DMRT1: variants seen among roughly 807,000 people sequenced by gnomAD.
The protein encoded by DMRT1 is doublesex- and mab-3-related transcription factor 1.
DMRT1 carries 7 observed loss-of-function variants against 32.3 expected under a neutral mutation model. The ratio of observed to expected loss-of-function variants is 0.22; its 90% CI spans 0.12 to 0.41. The LOEUF (loss-of-function observed/expected upper bound fraction) is 0.41. DMRT1 is among the 10% of genes least tolerant of loss of function. The pLI is 1.00. For synonymous variants in DMRT1, 278 were observed against 206.1 expected (o/e 1.35, Z -2.99); for missense variants, 625 against 500.5 (o/e 1.25, Z -2.37).
At chr9:866,163 CAAAAAAAAAA>C (rs71327351) in intron 2 of DMRT1, among the ~76,000 whole-genome samples, 92 of 52,684 alleles carry the variant, frequency 1.7e-3, no homozygotes, top group Non-Finnish European at 2.3e-3. Context: ...GAGTCCATCT[CAAAAAAAAAA>C]AAAAAAAAAA....
intron 2 of DMRT1, among the ~76,000 whole-genome samples, chr9:882,063 T>C (rs1279773048): frequency 1.3e-5 from 2 of 152,196 alleles, no homozygotes; most frequent in Non-Finnish European, 2.9e-5. Context: ...TTAACAGTTT[T>C]CCTCGGTGAC....
intron 4 of DMRT1, among the ~76,000 whole-genome samples, chr9:927,641 C>T (rs1436798478): frequency 6.6e-6 from 1 of 152,194 alleles, no homozygotes; most frequent in South Asian, 2.1e-4. Context: ...TACTTCCCAT[C>T]TTGCCCGTAT....
At chr9:846,385 G>T (rs555219244) in intron 1 of DMRT1, among the ~76,000 whole-genome samples, 1 of 152,176 alleles carries the variant, frequency 6.6e-6, no homozygotes, top group Admixed American at 6.5e-5. Flanking sequence ...ACTCTTACTG[G>T]TACCTGTTTT....
intron 3 of DMRT1, among the ~76,000 whole-genome samples, chr9:908,755 A>T (rs1175038946): frequency 1.3e-5 from 2 of 152,160 alleles, no homozygotes; most frequent in African/African-American, 4.8e-5. Context: ...AAACATCTTA[A>T]ATGAATCACT....
chr9:841,939 C>A lies in DMRT1; in HGVS notation c.101C>A (p.Ala34Glu). The part of the protein sequence containing the change: ...PQGRAGGFGK[A>E]SGALVGAASG... ...GGCAGAGCCGGGGGCTTTGGCAAAGCGTCTGGGGCGCTAGTGGGGGCGGCC... is the reference window on the plus strand; with the variant it reads ...GGCAGAGCCGGGGGCTTTGGCAAAGAGTCTGGGGCGCTAGTGGGGGCGGCC... Residue 34 changes from alanine (A) to glutamate (E), a missense_variant, in exon 1 of 5, where the codon GCG becomes GAG. Physicochemically the swap from Ala to Glu is moderately radical, Grantham distance 107 (BLOSUM62 -1). Around this residue, in one of 3 missense-constraint regions of DMRT1, gnomAD observed 201 missense variants for 152.0 expected, o/e 1.32. Coordinates refer to ENST00000382276, the MANE Select transcript of DMRT1 (RefSeq NM_021951.3). 2 of 1,602,834 alleles carry A rather than the reference C, an allele frequency of 1.2e-6. No homozygotes were observed. The highest frequency in any genetic ancestry group is 1.7e-6 in the Non-Finnish European group (2 of 1,175,092).
At chr9:886,879 G>A (rs149967549) in intron 2 of DMRT1, among the ~76,000 whole-genome samples, 2 of 152,232 alleles carry the variant, frequency 1.3e-5, no homozygotes, top group African/African-American at 4.8e-5. Context: ...ACAGATGGTA[G>A]GTATACTCTG....
chr9:851,023 T>A (rs567575219), intron 2 of DMRT1, among the ~76,000 whole-genome samples: 51 of 80,138 alleles, frequency 6.4e-4, no homozygotes, highest in African/African-American at 2.3e-3. Context: ...GGTGAGACTC[T>A]ATCTCAAAAA....
chr9:854,866 C>T (rs1199785054), intron 2 of DMRT1, among the ~76,000 whole-genome samples: 4 of 148,818 alleles, frequency 2.7e-5, no homozygotes, highest in South Asian at 2.2e-4. Flanking sequence ...CCTGGGTTCA[C>T]GCCATTCTCC....
intron 2 of DMRT1, among the ~76,000 whole-genome samples, chr9:847,888 C>T (rs1838973087): frequency 6.6e-6 from 1 of 152,208 alleles, no homozygotes; most frequent in Admixed American, 6.5e-5. Flanking sequence ...CTTCATTACA[C>T]TAGCCACATT....
intron 2 of DMRT1, among the ~76,000 whole-genome samples, chr9:861,050 C>CTTTTTTTTTT (rs140608243): frequency 2.5e-5 from 3 of 121,396 alleles, no homozygotes; most frequent in Non-Finnish European, 3.5e-5. Flanking sequence ...AATTTACTTT[C>CTTTTTTTTTT]TTTTTTTTTT....
intron 2 of DMRT1, among the ~76,000 whole-genome samples, chr9:890,874 C>T (rs145836951): frequency 0.014 from 2,095 of 152,062 alleles, 23 homozygotes; most frequent in Non-Finnish European, 0.021. Flanking sequence ...ACCACCATGC[C>T]GATGTCCGGC....
At chr9:924,428 A>AT (rs1818456988) in intron 4 of DMRT1, among the ~76,000 whole-genome samples, 1 of 152,144 alleles carries the variant, frequency 6.6e-6, no homozygotes, top group Non-Finnish European at 1.5e-5. Flanking sequence ...ATAATAACAC[A>AT]TGTATCTATT....
At chr9:874,829 A>G (rs1193546865) in intron 2 of DMRT1, among the ~76,000 whole-genome samples, 1 of 105,632 alleles carries the variant, frequency 9.5e-6, no homozygotes, top group Non-Finnish European at 1.8e-5. Flanking sequence ...TTTTTTTGAG[A>G]TGGAGTCTCG....
intron 4 of DMRT1, among the ~76,000 whole-genome samples, chr9:929,449 G>C (rs1340596041): frequency 1.3e-5 from 2 of 152,078 alleles, no homozygotes; most frequent in Non-Finnish European, 2.9e-5. Flanking sequence ...ATCATGCTTG[G>C]AAAGCTCTTA....
At chr9:903,813 TGCAGACCTGG>T (rs1212657542) in intron 3 of DMRT1, among the ~76,000 whole-genome samples, 4 of 152,048 alleles carry the variant, frequency 2.6e-5, no homozygotes, top group Admixed American at 2.6e-4. Flanking sequence ...CTAGAAGGAG[TGCAGACCTGG>T]GCATCCTAAG....
At chr9:880,914 A>G (rs1816711083) in intron 2 of DMRT1, among the ~76,000 whole-genome samples, 1 of 152,160 alleles carries the variant, frequency 6.6e-6, no homozygotes, top group Admixed American at 6.5e-5. Context: ...CCTCAGAAGG[A>G]AGTTGTAGGC....
chr9:865,640 G>C (rs2132593057), intron 2 of DMRT1, among the ~76,000 whole-genome samples: 1 of 152,210 alleles, frequency 6.6e-6, no homozygotes, highest in Admixed American at 6.5e-5. Context: ...TACCTGAACA[G>C]ATACAACAAG....
chr9:967,302 A>C (rs1280582907), intron 4 of DMRT1, among the ~76,000 whole-genome samples: 1 of 152,156 alleles, frequency 6.6e-6, no homozygotes, highest in Non-Finnish European at 1.5e-5. Context: ...TTCATATTTA[A>C]TGTGGGTTTT....
At chr9:881,406 C>CTT in intron 2 of DMRT1, among the ~76,000 whole-genome samples, 1 of 152,314 alleles carries the variant, frequency 6.6e-6, no homozygotes, top group Admixed American at 6.5e-5. Context: ...CTTCACATCA[C>CTT]TTTCTGGGGC....
Sources: allele counts gnomAD v4.1 joint callset (sites outside exome capture counted in the v4.1 genomes callset), GRCh38; gene constraint gnomAD v4.1.1; regional missense constraint gnomAD v4.1.1; transcripts MANE v1.5; gene names NCBI Gene and HGNC (gene_info 2026-07-23, HGNC 2026-07-21).